The following ANKRD20A1 variants were observed in gnomAD, a reference collection of about 807,000 sequenced individuals.
ANKRD20A1 encodes the protein ankyrin repeat domain-containing protein 20A1.
ANKRD20A1 carries 2 observed loss-of-function variants against 50.9 expected under a neutral mutation model. The observed-to-expected ratio is 0.04, with a 90% CI of 0.02 to 0.12. The LOEUF is 0.12. Among genes scored for constraint, ANKRD20A1 ranks in the 10% least tolerant of loss-of-function variants. The probability of loss-of-function intolerance (pLI) is 1.00; values close to 1 mark genes in which losing one functional copy is unlikely to be tolerated. For missense variants in ANKRD20A1, 31 were observed against 548.1 expected (o/e 0.06, Z 9.42); for synonymous variants, 10 against 186.2 (o/e 0.05, Z 7.70).
intron 6 of ANKRD20A1, among the ~76,000 whole-genome samples, chr9:67,872,703 G>C (rs1416472283): frequency 7.6e-6 from 1 of 131,452 alleles, no homozygotes; most frequent in African/African-American, 2.8e-5. Context: ...TAGGAGATGG[G>C]GTCTCTCTAT....
chr9:67,865,257 G>A (rs1262356969), intron 3 of ANKRD20A1, among the ~76,000 whole-genome samples: 2 of 148,490 alleles, frequency 1.3e-5, no homozygotes, highest in South Asian at 2.1e-4. Flanking sequence ...AATATAGATA[G>A]GAATTCTTTT....
At chr9:67,881,725 G>A (rs1380283990) in intron 8 of ANKRD20A1, among the ~76,000 whole-genome samples, 5 of 151,644 alleles carry the variant, frequency 3.3e-5, no homozygotes, top group African/African-American at 1.2e-4. Context: ...AACCCGGGAG[G>A]CGGAGGTTGC....
At chr9:67,881,457 G>A in intron 8 of ANKRD20A1, among the ~76,000 whole-genome samples, 1 of 150,238 alleles carries the variant, frequency 6.7e-6, no homozygotes, top group East Asian at 2.0e-4. Context: ...TCATAATTTT[G>A]TCATTGTAGT....
intron 8 of ANKRD20A1, among the ~76,000 whole-genome samples, chr9:67,881,148 G>A (rs11262090): frequency 2.7e-5 from 4 of 150,480 alleles, no homozygotes; most frequent in Non-Finnish European, 4.4e-5. Context: ...GTGTGGTGGT[G>A]TACACCTGTA....
At chr9:67,882,294 A>T (rs1385989807) in intron 8 of ANKRD20A1, among the ~76,000 whole-genome samples, 1 of 151,482 alleles carries the variant, frequency 6.6e-6, no homozygotes. Flanking sequence ...ATAATGTTTA[A>T]TCTGAATAAA....
At chr9:67,891,306 A>G (rs956934854) in intron 11 of ANKRD20A1, among the ~76,000 whole-genome samples, 1 of 140,044 alleles carries the variant, frequency 7.1e-6, no homozygotes, top group African/African-American at 2.6e-5. Context: ...AACAACAACA[A>G]CAACAACAAC....
At chr9:67,883,036 T>C (rs1242666703) in intron 8 of ANKRD20A1, among the ~76,000 whole-genome samples, 278 of 144,876 alleles carry the variant, frequency 1.9e-3, no homozygotes, top group East Asian at 5.6e-3. Context: ...CAGTCTGTCA[T>C]TGATGGACAT....
chr9:67,873,853 G>GT, intron 6 of ANKRD20A1, among the ~76,000 whole-genome samples: 1 of 18,246 alleles, frequency 5.5e-5, no homozygotes, highest in South Asian at 1.2e-3. Context: ...AAGTGCCCAA[G>GT]TTTTTCTATG....
intron 4 of ANKRD20A1, among the ~76,000 whole-genome samples, chr9:67,867,609 TG>T (rs1473818691): frequency 2.6e-5 from 4 of 152,282 alleles, no homozygotes; most frequent in African/African-American, 9.6e-5. Context: ...TATAATCAGA[TG>T]TTTTTGGTAC....
intron 8 of ANKRD20A1, among the ~76,000 whole-genome samples, chr9:67,881,985 CTTG>C (rs972508225): frequency 3.2e-5 from 4 of 125,700 alleles, no homozygotes; most frequent in African/African-American, 8.2e-5. Context: ...AAGCATTTTA[CTTG>C]TTGTTTTTTG....
chr9:67,881,617 C>A (rs1375459969), intron 8 of ANKRD20A1, among the ~76,000 whole-genome samples: 57 of 151,518 alleles, frequency 3.8e-4, no homozygotes, highest in Non-Finnish European at 2.4e-4. Context: ...AAACCAAAAC[C>A]AAAACAAAAC....
chr9:67,896,275 A>ATATT lies in ANKRD20A1; in HGVS notation c.1153-1283_1153-1282insATTT, dbSNP rs1218772163. Among the ~76,000 whole-genome samples, 2 of 68,338 alleles carry ATATT rather than the reference A, an allele frequency of 2.9e-5. 1 individual carries two copies. Among genetic ancestry groups the ATATT allele is most frequent in the Middle Eastern group, 0.016 (2 of 128 alleles). The allele number at this position is 68,338 out of a possible 152,430, so 44.8% of individuals were successfully genotyped here. A position where few individuals can be genotyped will look rare whatever the true frequency, so the allele number is the denominator to read the frequency against. On this transcript the variant is annotated intron_variant, in intron 12 of 14. Coordinates refer to ENST00000562196, the MANE Select transcript of ANKRD20A1 (RefSeq NM_032250.5). ...AGTTGCAACGAATATTCCCAGCCAA[A>ATATT]TGAGTCTGTTTAATGTGTTTTCATG...
chr9:67,865,775 G>A (rs1199790117), intron 3 of ANKRD20A1, among the ~76,000 whole-genome samples: 2 of 139,512 alleles, frequency 1.4e-5, no homozygotes, highest in East Asian at 4.9e-4. Flanking sequence ...CCTTACTCAG[G>A]CAACCTTCCT....
At chr9:67,884,986 TG>T in intron 9 of ANKRD20A1, among the ~76,000 whole-genome samples, 2 of 59,950 alleles carry the variant, frequency 3.3e-5, no homozygotes, top group African/African-American at 6.7e-5. Context: ...TCCTATTAAC[TG>T]TATAATAAGT....
chr9:67,891,352 G>A (rs1345343091), intron 11 of ANKRD20A1, among the ~76,000 whole-genome samples: 55 of 126,508 alleles, frequency 4.3e-4, no homozygotes, highest in Middle Eastern at 8.5e-3. Context: ...AAACCCAAAT[G>A]CATTTCCTTG....
chr9:67,900,333 C>T (rs966439736), intron 14 of ANKRD20A1, among the ~76,000 whole-genome samples, 160 bp from the exon 15 acceptor site: 1 of 46,272 alleles, frequency 2.2e-5, no homozygotes, highest in African/African-American at 5.6e-5. Flanking sequence ...GGAATTTATG[C>T]TCTATAAGGT....
chr9:67,885,696 G>A (rs879295391), intron 9 of ANKRD20A1, among the ~76,000 whole-genome samples: 1 of 152,392 alleles, frequency 6.6e-6, no homozygotes, highest in African/African-American at 2.4e-5. Flanking sequence ...AAACCAATAT[G>A]GAAGCACATC....
chr9:67,867,688 C>T (rs1222935972), intron 4 of ANKRD20A1, among the ~76,000 whole-genome samples: 1 of 130,762 alleles, frequency 7.6e-6, no homozygotes, highest in Non-Finnish European at 1.6e-5. Context: ...GAGATGGAGT[C>T]TTGCTCTGTT....
intron 8 of ANKRD20A1, among the ~76,000 whole-genome samples, chr9:67,881,640 G>C (rs1200717753): frequency 1.3e-5 from 2 of 152,284 alleles, no homozygotes; most frequent in African/African-American, 4.8e-5. Context: ...AACAAAAGCA[G>C]AAAAATTAAC....
Sources: allele counts gnomAD v4.1 joint callset (sites outside exome capture counted in the v4.1 genomes callset), GRCh38; gene constraint gnomAD v4.1.1; transcripts MANE v1.5; gene names NCBI Gene and HGNC (gene_info 2026-07-23, HGNC 2026-07-21).